The following SMIM5 variants were observed in gnomAD, a reference collection of about 807,000 sequenced individuals.
SMIM5 encodes small integral membrane protein 5, also known as chromosome 17 open reading frame 109.
In SMIM5, 4 loss-of-function variants were observed where a neutral mutation model predicts 4.0. The observed-to-expected ratio is 1.01, with a 90% CI of 0.50 to 2.30. The LOEUF is 2.30. SMIM5 is among the 30% of genes most tolerant of loss of function. The probability of loss-of-function intolerance (pLI) is 0.02; values close to 1 mark genes in which losing one functional copy is unlikely to be tolerated. For synonymous variants in SMIM5, 46 were observed against 43.6 expected (o/e 1.05, Z -0.22); for missense variants, 107 against 99.2 (o/e 1.08, Z -0.34).
rs370000834 is a variant in SMIM5, at chr17:75,640,856, C to T, written c.193C>T (p.Arg65Trp). The change falls in exon 3 of 3, where the codon CGG (arginine) becomes TGG (tryptophan). Residue 65 changes from arginine to tryptophan, a missense_variant. Physicochemically the swap from Arg to Trp is moderately radical, Grantham distance 101. Coordinates refer to ENST00000375215, the MANE Select transcript of SMIM5 (RefSeq NM_001162995.3). This position sits in a 1 kb window ranked among gnomAD's most constrained non-coding sequence, Gnocchi z 4.6. Reference protein sequence around the residue: ...CCCTHCCCPERRGRKVQVQPT... With the variant: ...CCCTHCCCPEWRGRKVQVQPT... ...CTGCACTCACTGCTGCTGCCCTGAGCGGAGAGGCAGGAAGGTCCAGGTGCA... is the reference window on the plus strand; with the variant it reads ...CTGCACTCACTGCTGCTGCCCTGAGTGGAGAGGCAGGAAGGTCCAGGTGCA... 42 of 1,548,524 alleles carry T rather than the reference C, an allele frequency of 2.7e-5. No individual in the cohort carries two copies. In the South Asian group the frequency reaches 3.4e-4, roughly 13 times the overall value.
chr17:75,637,725 T>A (rs1380715081), intron 1 of SMIM5: 1 of 152,330 alleles, frequency 6.6e-6, no homozygotes, highest in African/African-American at 2.4e-5. Context: ...GGGCTGGGGC[T>A]GGCCGAGCAC....
chr17:75,633,494 A>G lies in SMIM5; in HGVS notation c.-745A>G. The G allele has an allele frequency of 7.0e-6, 9 of 1,288,978 alleles. No individual in the cohort carries two copies. The highest frequency in any genetic ancestry group is 9.1e-6 in the Non-Finnish European group (9 of 988,562). 79.8% of individuals were successfully genotyped at this position (1,288,978 alleles called of 1,614,324 possible). On this transcript the variant is annotated 5_prime_UTR_variant, in exon 1 of 3. Coordinates refer to ENST00000375215, the MANE Select transcript of SMIM5 (RefSeq NM_001162995.3). Reference sequence around the variant, plus strand: ...ACATGAGGCGCCTTGCCGGGCGCGCAGGCCACTCCCAGGTCACTCAGGATT... The same window carrying G: ...ACATGAGGCGCCTTGCCGGGCGCGCGGGCCACTCCCAGGTCACTCAGGATT...
intron 1 of SMIM5, chr17:75,638,649 C>G (rs2059373833): frequency 6.6e-6 from 1 of 152,238 alleles, no homozygotes; most frequent in South Asian, 2.1e-4. Context: ...AGACCCGTCC[C>G]GGGGGGGCAT....
chr17:75,638,382 G>A (rs1461600516), intron 1 of SMIM5: 1 of 152,362 alleles, frequency 6.6e-6, no homozygotes, highest in Non-Finnish European at 1.5e-5. Flanking sequence ...TCGGGAGGCT[G>A]AGGCAGGAGA....
rs1407352646 is a variant in SMIM5 at position 75,640,051 on chromosome 17, G to A, written c.-36-115G>A. On this transcript the variant is annotated intron_variant, in intron 1 of 2. Coordinates refer to ENST00000375215, the MANE Select transcript of SMIM5 (RefSeq NM_001162995.3). This position sits in a 1 kb window ranked among gnomAD's most constrained non-coding sequence, Gnocchi z 4.6. Reference sequence around the variant, plus strand: ...GGAAGTCACCAGGGGTGCAATGTGTGAGACCTGACAAACTTGTTCTGCGGG... The same window carrying A: ...GGAAGTCACCAGGGGTGCAATGTGTAAGACCTGACAAACTTGTTCTGCGGG... 2.6e-6 allele frequency: 3 copies of A among 1,155,304 alleles called. No individual in the cohort carries two copies. Among genetic ancestry groups the A allele is most frequent in the Non-Finnish European group, 3.5e-6 (3 of 848,498 alleles). 71.6% of individuals were successfully genotyped at this position (1,155,304 alleles called of 1,614,324 possible).
rs964062687 is a variant in SMIM5 at position 75,636,282 on chromosome 17, CACTACCAAGCGTG to C, written c.-37+2081_-37+2093del. ...CTGGTTGCCCTGGTTCGCAGGTGGG[CACTACCAAGCGTG>C]GGGTTGGGAGGGACTGGTTGCCCTG... On this transcript the variant is annotated intron_variant, in intron 1 of 2. Coordinates refer to ENST00000375215, the MANE Select transcript of SMIM5 (RefSeq NM_001162995.3). The surrounding 1 kb of genome is among the most constrained non-coding windows in gnomAD (Gnocchi z 5.4). 2.0e-5 allele frequency among the ~76,000 whole-genome samples: 3 copies of C among 151,916 alleles called. No homozygotes were observed. The highest frequency in any genetic ancestry group is 7.3e-5 in the African/African-American group (3 of 41,348).
chr17:75,634,157 C>T lies in SMIM5; in HGVS notation c.-82C>T. On this transcript the variant is annotated 5_prime_UTR_variant, in exon 1 of 3. Transcript: ENST00000375215. ...AGTACGAGGACAGCACGTGGAGGCT[C>T]CGCGCTGGGGCACTGCTGCTCAGCC... 2.0e-6 allele frequency: 2 copies of T among 985,502 alleles called. No homozygotes were observed. The highest frequency in any genetic ancestry group is 1.7e-5 in the African/African-American group (1 of 57,364). 61.0% of individuals were successfully genotyped at this position (985,502 alleles called of 1,614,324 possible). A position where few individuals can be genotyped will look rare whatever the true frequency, so the allele number is the denominator to read the frequency against.
intron 1 of SMIM5, chr17:75,635,825 C>T (rs1329715571): frequency 1.8e-5 from 18 of 985,356 alleles, no homozygotes; most frequent in Admixed American, 6.1e-5. Flanking sequence ...GTCTCAAACA[C>T]GCCGCCTGCT....
At chr17:75,634,571 T>C (rs1365708413) in intron 1 of SMIM5, among the ~76,000 whole-genome samples, 1 of 152,178 alleles carries the variant, frequency 6.6e-6, no homozygotes, top group East Asian at 1.9e-4. Flanking sequence ...CTGCTGAGCC[T>C]CCCTTTTTCC....
intron 1 of SMIM5, chr17:75,635,816 T>C: frequency 1.0e-6 from 1 of 985,410 alleles, no homozygotes; most frequent in Non-Finnish European, 1.2e-6. Flanking sequence ...CGCTTATCAG[T>C]CTCAAACACG....
At chr17:75,635,688 T>C (rs2059308245) in intron 1 of SMIM5, 1 of 653,960 alleles carries the variant, frequency 1.5e-6, no homozygotes, top group South Asian at 6.8e-5. Context: ...TATGCCTCCT[T>C]CTAGGTGGAC....
In SMIM5 at chr17:75,640,942, T is replaced by C; in HGVS notation, c.*45T>C. On this transcript the variant is annotated 3_prime_UTR_variant, in exon 3 of 3. Transcript: ENST00000375215. The surrounding 1 kb of genome is among the most constrained non-coding windows in gnomAD (Gnocchi z 4.6). Reference sequence around the variant, plus strand: ...GAGAAGCTGGAGAGGAGATGGCCAATGCCATGACACAGGCCATCAGCCTGG... The same window carrying C: ...GAGAAGCTGGAGAGGAGATGGCCAACGCCATGACACAGGCCATCAGCCTGG... The C allele has an allele frequency of 6.5e-7, 1 of 1,533,826 alleles. No individual in the cohort carries two copies.
Position 75,640,319 on chromosome 17 carries a change from C to CTT in SMIM5, c.121_122dup (p.Thr42SerfsTer10), listed in dbSNP as rs1229068650. 3.9e-6 allele frequency: 6 copies of CTT among 1,548,180 alleles called. No homozygotes were observed. The Admixed American group carries it at 1.2e-4, about 31-fold the overall frequency. On this transcript the variant is annotated frameshift_variant, in exon 2 of 3. Coordinates refer to ENST00000375215, the MANE Select transcript of SMIM5 (RefSeq NM_001162995.3). LOFTEE classifies it high-confidence loss of function. The surrounding 1 kb of genome is among the most constrained non-coding windows in gnomAD (Gnocchi z 4.6). ...GATCGTGGCCTTCTCAGTCATCATC[C>CTT]TTTTCACAGGTTAGTTGGGGCACTC... is the stretch of plus-strand genomic sequence containing the variant.
At chr17:75,639,494 G>C (rs1274336683) in intron 1 of SMIM5, 1 of 152,304 alleles carries the variant, frequency 6.6e-6, no homozygotes, top group African/African-American at 2.4e-5. Context: ...GGTCAGGCTA[G>C]AGAAACAGAT....
Position 75,640,823 on chromosome 17 carries a change from A to AGCTGCTGCTGCACTCACT in SMIM5, c.169_186dup (p.Cys57_Cys62dup), listed in dbSNP as rs1406924708. 6.5e-6 allele frequency: 10 copies of AGCTGCTGCTGCACTCACT among 1,550,068 alleles called. No individual in the cohort carries two copies. Among genetic ancestry groups the AGCTGCTGCTGCACTCACT allele is most frequent in the Non-Finnish European group, 8.7e-6 (10 of 1,146,950 alleles). ...TCTGCTGTTGCTGCTGATAGCCTGC[A>AGCTGCTGCTGCACTCACT]GCTGCTGCTGCACTCACTGCTGCTG... On this transcript the variant is annotated inframe_insertion, in exon 3 of 3. Coordinates refer to ENST00000375215, the MANE Select transcript of SMIM5 (RefSeq NM_001162995.3). This position sits in a 1 kb window ranked among gnomAD's most constrained non-coding sequence, Gnocchi z 4.6.
At chr17:75,639,723 C>T (rs2059397821) in intron 1 of SMIM5, 1 of 154,026 alleles carries the variant, frequency 6.5e-6, no homozygotes, top group African/African-American at 2.4e-5. Context: ...CCAGAAGCCC[C>T]ATGAACCTGC....
chr17:75,635,670 G>C (rs2148262823), intron 1 of SMIM5: 1 of 485,704 alleles, frequency 2.1e-6, no homozygotes, highest in Non-Finnish European at 2.7e-6. Flanking sequence ...TCTCCCACAA[G>C]TGTCAGTTAT....
chr17:75,641,104 G>A lies in SMIM5; in HGVS notation c.*207G>A. ...AGGTGCAAACCTCTCATCTGCCAGT[G>A]GACACTGGGTGCTGGGGAGTCAGCT... On this transcript the variant is annotated 3_prime_UTR_variant, in exon 3 of 3. Transcript: ENST00000375215. The A allele has an allele frequency of 5.7e-6, 5 of 870,306 alleles. No individual in the cohort carries two copies. The South Asian group carries it at 1.0e-4, about 17-fold the overall frequency. 53.9% of individuals were successfully genotyped at this position (870,306 alleles called of 1,614,324 possible). A position where few individuals can be genotyped will look rare whatever the true frequency, so the allele number is the denominator to read the frequency against.
intron 1 of SMIM5, chr17:75,638,061 G>C (rs963655162): frequency 2.6e-5 from 4 of 152,142 alleles, no homozygotes; most frequent in Non-Finnish European, 5.9e-5. Context: ...CCACAGAAAC[G>C]CACTCACTCC....
Sources: gnomAD v4.1 joint callset for allele counts (sites outside exome capture counted in the v4.1 genomes callset) on GRCh38, gnomAD v4.1.1 for gene constraint, Gnocchi (gnomAD v3.1) non-coding constraint, MANE v1.5 for transcripts, NCBI Gene and HGNC (gene_info 2026-07-23, HGNC 2026-07-21) for gene names.